The following EYS variants were observed in gnomAD, a reference collection of about 807,000 sequenced individuals.
The protein encoded by EYS is EGF-like photoreceptor maintenance factor.
A neutral mutation model predicts 282.1 loss-of-function variants in EYS; 250 were observed. The observed-to-expected ratio is 0.89, with a 90% confidence interval of 0.80 to 0.98. EYS has a LOEUF of 0.98. EYS is among the 50% of genes least tolerant of loss of function. EYS has a pLI of 0.00. For synonymous variants in EYS, 1,355 were observed against 1,282.9 expected (o/e 1.06, Z -1.20); for missense variants, 4,016 against 3,709.0 (o/e 1.08, Z -2.15).
At chr6:64,624,427 G>T (rs1767537384) in intron 23 of EYS, among the ~76,000 whole-genome samples, 1 of 152,176 alleles carries the variant, frequency 6.6e-6, no homozygotes, top group Non-Finnish European at 1.5e-5. Context: ...CATAGAGTAT[G>T]AAGTGTTTGT....
chr6:63,916,053 A>G (rs1045511774), intron 35 of EYS, among the ~76,000 whole-genome samples: 4 of 152,248 alleles, frequency 2.6e-5, no homozygotes, highest in African/African-American at 9.6e-5. Flanking sequence ...GCTATCAAAC[A>G]GCATCACATG....
chr6:65,392,543 T>C (rs1019889915), intron 7 of EYS, among the ~76,000 whole-genome samples: 1 of 152,188 alleles, frequency 6.6e-6, no homozygotes, highest in Non-Finnish European at 1.5e-5. Flanking sequence ...AAAGAAGACA[T>C]TTGTGCAGGC....
intron 22 of EYS, among the ~76,000 whole-genome samples, chr6:64,811,754 T>C (rs1764601505): frequency 6.6e-6 from 1 of 152,064 alleles, no homozygotes; most frequent in South Asian, 2.1e-4. Flanking sequence ...CATGAAACCC[T>C]CATCAGAAGC....
In EYS at chr6:64,822,789, A is replaced by G. The variant is rs754397582; in HGVS notation, c.3026T>C (p.Leu1009Pro). The stretch of plus-strand genomic sequence containing the variant: ...TCCATCATGGAGACAGGGCTCTGAT[A>G]GGCATTCATCTAGATTTATTTCACA... Reference protein sequence around the residue: ...INCEINLDECLSEPCLHDGVC... With the variant: ...INCEINLDECPSEPCLHDGVC... Residue 1009 changes from leucine (L) to proline (P), a missense_variant, in exon 20 of 43, where the codon CTA becomes CCA. Transcript: ENST00000503581. The G allele has an allele frequency of 2.6e-6, 4 of 1,549,852 alleles. No individual in the cohort carries two copies. Among genetic ancestry groups the G allele is most frequent in the Middle Eastern group, 1.7e-4 (1 of 6,004 alleles).
intron 35 of EYS, among the ~76,000 whole-genome samples, chr6:63,978,726 C>T (rs1287433619): frequency 2.0e-5 from 3 of 151,852 alleles, no homozygotes; most frequent in African/African-American, 4.8e-5. Context: ...AAAGCTAAGA[C>T]CTGATATCCT....
At chr6:64,574,370 C>A (rs572437388) in intron 26 of EYS, among the ~76,000 whole-genome samples, 2 of 152,192 alleles carry the variant, frequency 1.3e-5, no homozygotes, top group East Asian at 1.9e-4. Flanking sequence ...CACTTGTATA[C>A]CTATGTAATA....
chr6:64,901,015 G>GA (rs569806203), intron 18 of EYS, among the ~76,000 whole-genome samples: 30 of 147,428 alleles, frequency 2.0e-4, no homozygotes, highest in South Asian at 4.3e-4. Context: ...TGTTATACTG[G>GA]AAAAAAAAAA....
intron 26 of EYS, among the ~76,000 whole-genome samples, chr6:64,555,201 G>A (rs560299883): frequency 6.6e-6 from 1 of 151,846 alleles, no homozygotes; most frequent in South Asian, 2.1e-4. Context: ...ATAAAGAAGG[G>A]AAATCCTATT....
intron 12 of EYS, among the ~76,000 whole-genome samples, chr6:65,085,723 T>C (rs1054610440): frequency 6.6e-6 from 1 of 152,132 alleles, no homozygotes; most frequent in Non-Finnish European, 1.5e-5. Flanking sequence ...AGGCTTTCCA[T>C]AGTGTCTCAT....
intron 33 of EYS, among the ~76,000 whole-genome samples, chr6:64,001,351 T>G (rs539784111): frequency 6.6e-6 from 1 of 152,380 alleles, no homozygotes; most frequent in East Asian, 1.9e-4. Context: ...ACAGTCAAGT[T>G]GAATTGTTCA....
chr6:65,333,714 G>T (rs1349164095), intron 11 of EYS, among the ~76,000 whole-genome samples: 4 of 149,366 alleles, frequency 2.7e-5, no homozygotes, highest in African/African-American at 9.7e-5. Context: ...AGGCTCTGTT[G>T]TTAGTTGTGT....
intron 12 of EYS, among the ~76,000 whole-genome samples, chr6:65,109,476 A>T (rs576962223): frequency 5.3e-5 from 8 of 151,922 alleles, no homozygotes; most frequent in South Asian, 2.1e-4. Context: ...ATATTATTTC[A>T]TACATTTGTC....
intron 7 of EYS, 97 bp downstream of exon 7, chr6:65,402,381 A>T: frequency 1.1e-6 from 1 of 889,608 alleles, no homozygotes; most frequent in Non-Finnish European, 1.8e-6. Flanking sequence ...CATTAAGTAA[A>T]AGTTAGGGTT....
At chr6:63,818,855 C>T (rs570289421) in intron 36 of EYS, among the ~76,000 whole-genome samples, 1 of 152,352 alleles carries the variant, frequency 6.6e-6, no homozygotes, top group South Asian at 2.1e-4. Context: ...GGCCCTGTGG[C>T]AGTCTTCTCC....
intron 12 of EYS, among the ~76,000 whole-genome samples, chr6:65,239,297 A>G (rs1382548895): frequency 2.6e-5 from 4 of 152,104 alleles, no homozygotes; most frequent in African/African-American, 9.6e-5. Context: ...TTATTTTGAC[A>G]TAAATGAATC....
chr6:64,861,081 G>C (rs771497860), intron 19 of EYS, among the ~76,000 whole-genome samples: 18 of 152,160 alleles, frequency 1.2e-4, no homozygotes, highest in Non-Finnish European at 2.5e-4. Flanking sequence ...GGCTTCACTG[G>C]GTACCTGCCC....
Position 64,626,242 on chromosome 6 carries a change from A to G in EYS, c.3447T>C (p.Cys1149=), listed in dbSNP as rs192254604. Residue 1149 remains cysteine, a synonymous_variant, in exon 23 of 43, where the codon TGT becomes TGC. Transcript: ENST00000503581. Reference sequence around the variant, plus strand: ...AAAATTGACCAGAAAATCCAGGAAGACATCTAAGGAAAAAAAATGAAAACG... The same window carrying G: ...AAAATTGACCAGAAAATCCAGGAAGGCATCTAAGGAAAAAAAATGAAAACG... The part of the protein sequence containing the change: ...DGPGHTFDCR[C]LPGFSGQFCE... 31 of 1,522,464 alleles carry G rather than the reference A, an allele frequency of 2.0e-5. No individual in the cohort carries two copies. In the African/African-American group the frequency reaches 4.2e-4, roughly 21 times the overall value. The allele number at this position is 1,522,464 out of a possible 1,614,324, so 94.3% of individuals were successfully genotyped here. A position where few individuals can be genotyped will look rare whatever the true frequency, so the allele number is the denominator to read the frequency against.
intron 14 of EYS, among the ~76,000 whole-genome samples, chr6:64,950,398 T>C (rs1308835632): frequency 6.6e-6 from 1 of 151,908 alleles, no homozygotes; most frequent in Admixed American, 6.6e-5. Context: ...TACCAAATTC[T>C]AGCAAGCATA....
At chr6:65,371,737 CTCTCTGTGTGTGTGTG>C (rs1242146852) in intron 8 of EYS, among the ~76,000 whole-genome samples, 6 of 43,454 alleles carry the variant, frequency 1.4e-4, no homozygotes, top group African/African-American at 3.6e-4. Flanking sequence ...CTCTCTCTCT[CTCTCTGTGTGTGTGTG>C]TGTGTGTGTG....
Sources: allele counts gnomAD v4.1 joint callset (sites outside exome capture counted in the v4.1 genomes callset), GRCh38; gene constraint gnomAD v4.1.1; transcripts MANE v1.5; gene names NCBI Gene and HGNC (gene_info 2026-07-23, HGNC 2026-07-21).